Variants in ATRNL1 observed in about 807,000 individuals in gnomAD.
The protein encoded by ATRNL1 is attractin like 1.
A neutral mutation model predicts 182.7 loss-of-function variants in ATRNL1; 95 were observed. The ratio of observed to expected loss-of-function variants is 0.52; its 90% CI spans 0.44 to 0.62. The LOEUF (loss-of-function observed/expected upper bound fraction) is 0.62, where lower values mean the gene tolerates loss of function less well. ATRNL1 is among the 20% of genes least tolerant of loss of function. ATRNL1 has a pLI of 0.00. For synonymous variants in ATRNL1, 576 were observed against 568.3 expected (o/e 1.01, Z -0.19); for missense variants, 1,471 against 1,679.5 (o/e 0.88, Z 2.17).
intron 10 of ATRNL1, among the ~76,000 whole-genome samples, chr10:115,249,557 G>T (rs557835249): frequency 6.6e-6 from 1 of 151,930 alleles, no homozygotes; most frequent in East Asian, 1.9e-4. Flanking sequence ...CTCAAATTTG[G>T]GTTTGAGAGA....
chr10:115,604,509 G>A (rs556745068), intron 26 of ATRNL1, among the ~76,000 whole-genome samples: 2 of 152,004 alleles, frequency 1.3e-5, no homozygotes, highest in Non-Finnish European at 2.9e-5. Context: ...CTGCCTTTGT[G>A]CCTTTTAGGA....
At chr10:115,521,225 C>G (rs1199316780) in intron 25 of ATRNL1, among the ~76,000 whole-genome samples, 2 of 151,874 alleles carry the variant, frequency 1.3e-5, no homozygotes, top group South Asian at 4.2e-4. Flanking sequence ...GCTATTTCGG[C>G]TCACTGCAAC....
intron 1 of ATRNL1, among the ~76,000 whole-genome samples, chr10:115,106,410 G>A (rs1233637402): frequency 1.3e-5 from 2 of 152,144 alleles, no homozygotes; most frequent in Non-Finnish European, 2.9e-5. Flanking sequence ...GCTGAAATGA[G>A]TTAAGACTTT....
intron 1 of ATRNL1, among the ~76,000 whole-genome samples, chr10:115,105,829 C>T (rs745608451): frequency 6.6e-5 from 10 of 152,284 alleles, no homozygotes; most frequent in Admixed American, 2.6e-4. Context: ...TTTATGGAAA[C>T]GCCTGGATGT....
In ATRNL1 at chr10:115,460,540, T is replaced by G. The variant is rs1052455744; in HGVS notation, c.3323-1401T>G. On this transcript the variant is annotated intron_variant, in intron 21 of 28. Coordinates refer to ENST00000355044, the MANE Select transcript of ATRNL1 (RefSeq NM_207303.4). Reference sequence around the variant, plus strand: ...CCACTTCCTGTGGCCTTCACTGCTGTTACCCTGGCCTCCATTACCTCCTTG... The same window carrying G: ...CCACTTCCTGTGGCCTTCACTGCTGGTACCCTGGCCTCCATTACCTCCTTG... Among the ~76,000 whole-genome samples, 9 of 152,292 alleles carry G rather than the reference T, an allele frequency of 5.9e-5. 1 individual carries two copies. The highest frequency in any genetic ancestry group is 2.2e-4 in the African/African-American group (9 of 41,582).
chr10:115,366,745 C>G (rs1370675527), intron 19 of ATRNL1, among the ~76,000 whole-genome samples: 2 of 151,626 alleles, frequency 1.3e-5, no homozygotes, highest in Non-Finnish European at 1.5e-5. Flanking sequence ...ATTTGCTTGT[C>G]TGTAAAGTAT....
At chr10:115,330,706 A>G (rs1229395803) in intron 18 of ATRNL1, among the ~76,000 whole-genome samples, 1 of 116,378 alleles carries the variant, frequency 8.6e-6, no homozygotes, top group Non-Finnish European at 1.7e-5. Flanking sequence ...TGCTGCTTTC[A>G]GTGTTCTCTG....
chr10:115,640,823 G>A (rs911465632), intron 26 of ATRNL1, among the ~76,000 whole-genome samples: 1 of 152,124 alleles, frequency 6.6e-6, no homozygotes, highest in African/African-American at 2.4e-5. Context: ...TGCCTTTGGT[G>A]TTTTAATCAT....
intron 20 of ATRNL1, among the ~76,000 whole-genome samples, chr10:115,407,499 C>T (rs1844888923): frequency 6.6e-6 from 1 of 151,702 alleles, no homozygotes. Flanking sequence ...CTTTCTATTC[C>T]TGGCTTATTT....
chr10:115,808,533 C>T (rs193261466), intron 27 of ATRNL1, among the ~76,000 whole-genome samples: 5 of 152,144 alleles, frequency 3.3e-5, no homozygotes, highest in African/African-American at 7.2e-5. Flanking sequence ...ATTTCTCTTA[C>T]GTAAAAGTCC....
intron 21 of ATRNL1, among the ~76,000 whole-genome samples, chr10:115,449,109 G>A (rs1847157774): frequency 6.6e-6 from 1 of 152,172 alleles, no homozygotes; most frequent in South Asian, 2.1e-4. Context: ...GTAGCCCAAA[G>A]GGAGAAATTT....
At chr10:115,194,305 A>C (rs1160985112) in intron 8 of ATRNL1, among the ~76,000 whole-genome samples, 1 of 151,962 alleles carries the variant, frequency 6.6e-6, no homozygotes, top group East Asian at 1.9e-4. Context: ...TGAAGTCCCA[A>C]GATATTATTG....
chr10:115,349,243 A>G (rs1273692797), intron 19 of ATRNL1, among the ~76,000 whole-genome samples: 2 of 152,200 alleles, frequency 1.3e-5, no homozygotes, highest in Non-Finnish European at 2.9e-5. Context: ...ATTTCACTTA[A>G]CATAATGTTC....
intron 24 of ATRNL1, among the ~76,000 whole-genome samples, chr10:115,501,328 A>T (rs545489670): frequency 1.3e-4 from 20 of 152,206 alleles, no homozygotes; most frequent in African/African-American, 4.6e-4. Context: ...AGGTTTCAGG[A>T]TAAACTTGGG....
At chr10:115,559,652 A>G (rs1380631325) in intron 26 of ATRNL1, among the ~76,000 whole-genome samples, 3 of 152,232 alleles carry the variant, frequency 2.0e-5, no homozygotes, top group Admixed American at 6.5e-5. Flanking sequence ...TGCAAATCAC[A>G]TGAGAATCTC....
At chr10:115,414,326 C>T (rs909617837) in intron 20 of ATRNL1, among the ~76,000 whole-genome samples, 15 of 151,188 alleles carry the variant, frequency 9.9e-5, no homozygotes, top group Non-Finnish European at 1.9e-4. Flanking sequence ...TCTTCTCTTA[C>T]TCCCTCCCTT....
At chr10:115,227,393 A>AAAC (rs199835338) in intron 9 of ATRNL1, among the ~76,000 whole-genome samples, 25 of 152,226 alleles carry the variant, frequency 1.6e-4, no homozygotes, top group East Asian at 9.6e-4. Flanking sequence ...TTAAAAAGTA[A>AAAC]AACAACAACA....
At chr10:115,779,283 C>T (rs1370622906) in intron 27 of ATRNL1, among the ~76,000 whole-genome samples, 2 of 152,128 alleles carry the variant, frequency 1.3e-5, no homozygotes, top group Non-Finnish European at 2.9e-5. Flanking sequence ...GTTGGCTGGC[C>T]AATTGATAAT....
At chr10:115,410,540 C>T (rs936217882) in intron 20 of ATRNL1, among the ~76,000 whole-genome samples, 7 of 151,838 alleles carry the variant, frequency 4.6e-5, no homozygotes, top group South Asian at 4.2e-4. Flanking sequence ...AGGATGGTCT[C>T]GATCTCTTGA....
Sources: allele counts gnomAD v4.1 joint callset (sites outside exome capture counted in the v4.1 genomes callset), GRCh38; gene constraint gnomAD v4.1.1; transcripts MANE v1.5; gene names NCBI Gene and HGNC (gene_info 2026-07-23, HGNC 2026-07-21).